Variants in OSBPL9 observed in about 807,000 individuals in gnomAD.
The protein encoded by OSBPL9 is oxysterol binding protein like 9, also known as oxysterol-binding protein-related protein 9.
OSBPL9 carries 40 observed loss-of-function variants against 106.6 expected under a neutral mutation model. That is an observed-to-expected ratio of 0.38 (90% CI 0.29 to 0.49). OSBPL9 has a LOEUF of 0.49. Ranked by LOEUF, OSBPL9 falls within the 20% of genes least tolerant of loss-of-function variation. OSBPL9 has a pLI of 0.97. For synonymous variants in OSBPL9, 269 were observed against 295.4 expected (o/e 0.91, Z 0.92); for missense variants, 609 against 887.2 (o/e 0.69, Z 3.98).
chr1:51,737,602 C>G (rs1665995520), intron 4 of OSBPL9, among the ~76,000 whole-genome samples: 2 of 148,044 alleles, frequency 1.4e-5, no homozygotes, highest in South Asian at 4.3e-4. Flanking sequence ...TAAAATGAAA[C>G]TTCTAGTGCG....
intron 3 of OSBPL9, among the ~76,000 whole-genome samples, chr1:51,695,135 A>G (rs1187517923): frequency 6.6e-6 from 1 of 152,218 alleles, no homozygotes; most frequent in Non-Finnish European, 1.5e-5. Context: ...GAGACTATGT[A>G]TTAAATATTT....
At chr1:51,603,532 A>G (rs1175879675) in intron 2 of OSBPL9, among the ~76,000 whole-genome samples, 1 of 152,250 alleles carries the variant, frequency 6.6e-6, no homozygotes, top group African/African-American at 2.4e-5. Context: ...GAAAGTGGAC[A>G]AAATCTTAAA....
the OSBPL9 span, among the ~76,000 whole-genome samples, chr1:51,565,000 CTT>C: frequency 6.6e-6 from 1 of 152,220 alleles, no homozygotes; most frequent in African/African-American, 2.4e-5. Context: ...GGCCCAGACA[CTT>C]TGCCTGATCA....
rs150590416 is a variant in OSBPL9, at chr1:51,644,525, A to G, written c.112-7466A>G. Among the ~76,000 whole-genome samples, 359 of 152,184 alleles carry G rather than the reference A, an allele frequency of 2.4e-3. 1 individual carries two copies. The highest frequency in any genetic ancestry group is 8.3e-3 in the African/African-American group (344 of 41,524). On this transcript the variant is annotated intron_variant, in intron 1 of 23. Coordinates refer to ENST00000428468, the MANE Select transcript of OSBPL9 (RefSeq NM_024586.6). The stretch of plus-strand genomic sequence containing the variant: ...GTACTTTTAGTAGAGACAGGGTTTC[A>G]CCATGTTGGCCAGGCTGGTCTTGAA...
intron 4 of OSBPL9, chr1:51,730,095 C>T (rs1664033479): frequency 8.0e-7 from 1 of 1,256,894 alleles, no homozygotes; most frequent in East Asian, 3.1e-5. Flanking sequence ...ATGTCGTGCT[C>T]ACCCTGCCTC....
chr1:51,646,599 A>G (rs1235226036), intron 1 of OSBPL9, among the ~76,000 whole-genome samples: 1 of 152,130 alleles, frequency 6.6e-6, no homozygotes, highest in East Asian at 1.9e-4. Flanking sequence ...GCTGGAGTGC[A>G]GTGGCACAAT....
At chr1:51,665,644 T>C (rs1350411097) in intron 2 of OSBPL9, among the ~76,000 whole-genome samples, 1 of 152,092 alleles carries the variant, frequency 6.6e-6, no homozygotes, top group Non-Finnish European at 1.5e-5. Flanking sequence ...AGATCAATTG[T>C]GCATATATAC....
chr1:51,763,163 G>A (rs1390830075), intron 11 of OSBPL9, among the ~76,000 whole-genome samples: 2 of 151,750 alleles, frequency 1.3e-5, no homozygotes, highest in South Asian at 2.1e-4. Context: ...GCGCCACCAC[G>A]CCCCACAAAT....
intron 11 of OSBPL9, among the ~76,000 whole-genome samples, chr1:51,764,503 G>T (rs886079335): frequency 6.6e-6 from 1 of 151,726 alleles, no homozygotes; most frequent in African/African-American, 2.4e-5. Flanking sequence ...ACTAAATGTG[G>T]CAAACTGATG....
rs149894948 is a variant in OSBPL9, at chr1:51,710,097, G to T, written c.242-3906G>T. Among the ~76,000 whole-genome samples the T allele has an allele frequency of 6.4e-3, 968 of 152,252 alleles. 7 individuals are homozygous for T. The highest frequency in any genetic ancestry group is 0.011 in the Non-Finnish European group (756 of 68,012). On this transcript the variant is annotated intron_variant, in intron 3 of 23. Coordinates refer to ENST00000428468, the MANE Select transcript of OSBPL9 (RefSeq NM_024586.6). ...GGCTGAGGTAGGCTCTAGAAAAGGG[G>T]TTCATTGTGATCACATTCCCCTTTG...
At chr1:51,685,915 C>T (rs556503343) in intron 3 of OSBPL9, among the ~76,000 whole-genome samples, 5 of 152,252 alleles carry the variant, frequency 3.3e-5, no homozygotes, top group African/African-American at 7.2e-5. Context: ...AAAAAGAAAT[C>T]GAGTTCAAAT....
chr1:51,693,249 G>A (rs1655347334), intron 3 of OSBPL9, among the ~76,000 whole-genome samples: 1 of 151,898 alleles, frequency 6.6e-6, no homozygotes, highest in Non-Finnish European at 1.5e-5. Context: ...GCACTTAGCT[G>A]TGGTCTCAGC....
chr1:51,661,864 T>C (rs1200505975), intron 2 of OSBPL9, among the ~76,000 whole-genome samples: 1 of 151,834 alleles, frequency 6.6e-6, no homozygotes, highest in Non-Finnish European at 1.5e-5. Flanking sequence ...AGGAGAGAAA[T>C]TGGGGCAATT....
chr1:51,606,172 T>C (rs1452650409), intron 2 of OSBPL9, among the ~76,000 whole-genome samples: 1 of 152,168 alleles, frequency 6.6e-6, no homozygotes, highest in Non-Finnish European at 1.5e-5. Flanking sequence ...GACCAGTTAG[T>C]AGCAGTGGAC....
At chr1:51,623,807 TCTC>T (rs1257268397) in intron 1 of OSBPL9, among the ~76,000 whole-genome samples, 4 of 152,214 alleles carry the variant, frequency 2.6e-5, no homozygotes, top group Non-Finnish European at 5.9e-5. Context: ...AGTCTCAGAT[TCTC>T]CTGGAAAGGT....
rs181707197 is a variant in OSBPL9 at position 51,761,607 on chromosome 1, C to T, written c.674-260C>T. On this transcript the variant is annotated intron_variant, in intron 10 of 23. Transcript: ENST00000428468. Reference sequence around the variant, plus strand: ...TCATCAGAAGCATTTGTTGGTTTTACAGCATAGTTATACTGCAGTATTGGC... The same window carrying T: ...TCATCAGAAGCATTTGTTGGTTTTATAGCATAGTTATACTGCAGTATTGGC... 9.8e-4 allele frequency among the ~76,000 whole-genome samples: 149 copies of T among 152,228 alleles called. No individual in the cohort carries two copies. In the South Asian group the frequency reaches 0.015, roughly 16 times the overall value.
the OSBPL9 span, among the ~76,000 whole-genome samples, chr1:51,525,873 A>G: frequency 1.3e-5 from 2 of 151,144 alleles, no homozygotes; most frequent in Admixed American, 1.3e-4. Context: ...CCTCAGCCTG[A>G]ATGATTTTTT....
At chr1:51,735,699 A>G (rs1209546796) in intron 4 of OSBPL9, among the ~76,000 whole-genome samples, 2 of 152,276 alleles carry the variant, frequency 1.3e-5, no homozygotes, top group Admixed American at 6.5e-5. Flanking sequence ...AGAGATGCTC[A>G]GTGAATAAGT....
rs1014032799 is a variant in OSBPL9, at chr1:51,643,351, C to T, written c.112-8640C>T. Among the ~76,000 whole-genome samples the T allele has an allele frequency of 5.3e-5, 8 of 152,154 alleles. No individual in the cohort carries two copies. The South Asian group carries it at 8.3e-4, about 16-fold the overall frequency. On this transcript the variant is annotated intron_variant, in intron 1 of 23. Coordinates refer to ENST00000428468, the MANE Select transcript of OSBPL9 (RefSeq NM_024586.6). ...TTGTTAGAAGTGAAGGGTTGGCTAT[C>T]TGCTCTAGAGGTTCAGGTAAAGCTT...
Sources: gnomAD v4.1 joint callset for allele counts (sites outside exome capture counted in the v4.1 genomes callset) on GRCh38, gnomAD v4.1.1 for gene constraint, MANE v1.5 for transcripts, NCBI Gene and HGNC (gene_info 2026-07-23, HGNC 2026-07-21) for gene names.